The following CELF2 variants were observed in gnomAD, a reference collection of about 807,000 sequenced individuals.
CELF2 encodes the protein CUGBP Elav-like family member 2.
CELF2 carries 8 observed loss-of-function variants against 62.6 expected under a neutral mutation model. The observed-to-expected ratio is 0.13, with a 90% CI of 0.07 to 0.23. The LOEUF (loss-of-function observed/expected upper bound fraction) is 0.23, where lower values mean the gene tolerates loss of function less well. CELF2 is among the 10% of genes least tolerant of loss of function. The pLI is 1.00. For synonymous variants in CELF2, 258 were observed against 250.0 expected (o/e 1.03, Z -0.30); for missense variants, 333 against 671.0 (o/e 0.50, Z 5.56).
intron 1 of CELF2, among the ~76,000 whole-genome samples, chr10:11,080,771 G>T (rs1196668562): frequency 6.6e-6 from 1 of 152,230 alleles, no homozygotes; most frequent in African/African-American, 2.4e-5. Context: ...ATGCTGGACA[G>T]GCTTTGCTGA....
intron 1 of CELF2, among the ~76,000 whole-genome samples, chr10:10,812,420 A>C (rs1395555577): frequency 1.3e-5 from 2 of 152,212 alleles, no homozygotes; most frequent in Non-Finnish European, 2.9e-5. Flanking sequence ...GGGTGGGGAC[A>C]CAGCCAAACC....
intron 3 of CELF2, among the ~76,000 whole-genome samples, chr10:11,232,554 TG>T (rs2069162953): frequency 6.6e-6 from 1 of 152,196 alleles, no homozygotes; most frequent in South Asian, 2.1e-4. Context: ...GTAAAATCTA[TG>T]GCTCGGAAAG....
chr10:11,185,973 C>G (rs1274167055), intron 2 of CELF2, among the ~76,000 whole-genome samples: 1 of 152,158 alleles, frequency 6.6e-6, no homozygotes, highest in African/African-American at 2.4e-5. Context: ...TTCAAGTTAA[C>G]TATGTAAGAA....
chr10:10,687,808 C>T, the CELF2 span, among the ~76,000 whole-genome samples: 1 of 152,226 alleles, frequency 6.6e-6, no homozygotes, highest in Non-Finnish European at 1.5e-5. Flanking sequence ...CCAGTGTTTA[C>T]ACTCTCCTAC....
At position 10,997,693 on chromosome 10, in the gene CELF2, TA is replaced by T. The variant is rs2054106645; in HGVS notation, c.89+77697del. ...GAATAAATTCGGTCCCTTTTCCACA[TA>T]AATATTACATGCATCTTGCACAAGC... On this transcript the variant is annotated intron_variant, in intron 2 of 13. Coordinates refer to the CELF2 transcript ENST00000636488. This position sits in a 1 kb window ranked among gnomAD's most constrained non-coding sequence, Gnocchi z 5.3. Among the ~76,000 whole-genome samples the T allele has an allele frequency of 1.3e-5, 2 of 152,326 alleles. No individual in the cohort carries two copies. The highest frequency in any genetic ancestry group is 4.8e-5 in the African/African-American group (2 of 41,568).
intron 1 of CELF2, among the ~76,000 whole-genome samples, chr10:10,837,751 C>T (rs765197033): frequency 6.6e-6 from 1 of 152,260 alleles, no homozygotes; most frequent in Non-Finnish European, 1.5e-5. Flanking sequence ...ATGCCATCCC[C>T]AGGAAAAGTG....
At chr10:10,749,468 T>A in the CELF2 span, among the ~76,000 whole-genome samples, 1 of 152,202 alleles carries the variant, frequency 6.6e-6, no homozygotes, top group Non-Finnish European at 1.5e-5. Context: ...CAATGTCTAC[T>A]AAGCATCAAT....
Position 11,117,827 on chromosome 10 carries a change from T to C in CELF2, c.75-47659T>C, listed in dbSNP as rs757459583. ...ATCTGAGCTTCTGGTTCTGATCTTG[T>C]AAAAGCTAACTCATGCATGCACAAC... On this transcript the variant is annotated intron_variant, in intron 1 of 12. Transcript: ENST00000633077. This position sits in a 1 kb window ranked among gnomAD's most constrained non-coding sequence, Gnocchi z 4.1. Among the ~76,000 whole-genome samples the C allele has an allele frequency of 6.6e-5, 10 of 152,298 alleles. No homozygotes were observed. The highest frequency in any genetic ancestry group is 1.3e-4 in the Non-Finnish European group (9 of 68,020).
Position 11,260,185 on chromosome 10 carries a change from G to T in CELF2, c.538+2313G>T, listed in dbSNP as rs1477880724. ...TAACTATATCTGCCCTGCTTCTCTT[G>T]CAGGGAGTCATTCACGGCTGGTGTG... On this transcript the variant is annotated intron_variant, in intron 5 of 12. Coordinates refer to ENST00000633077, the MANE Select transcript of CELF2 (RefSeq NM_001326342.2). The surrounding 1 kb of genome is among the most constrained non-coding windows in gnomAD (Gnocchi z 4.2). Among the ~76,000 whole-genome samples the T allele has an allele frequency of 6.6e-6, 1 of 152,188 alleles. No homozygotes were observed. Among genetic ancestry groups the T allele is most frequent in the African/African-American group, 2.4e-5 (1 of 41,442 alleles).
the CELF2 span, among the ~76,000 whole-genome samples, chr10:10,673,639 T>C: frequency 6.6e-6 from 1 of 152,316 alleles, no homozygotes; most frequent in South Asian, 2.1e-4. Context: ...TAATTGATTT[T>C]AGATCTTTCT....
chr10:10,595,492 C>G, the CELF2 span, among the ~76,000 whole-genome samples: 5 of 152,068 alleles, frequency 3.3e-5, no homozygotes, highest in African/African-American at 1.2e-4. Context: ...AAACAGTGGA[C>G]CAAATTGAAG....
intron 9 of CELF2, among the ~76,000 whole-genome samples, chr10:11,295,972 T>C (rs1285093793): frequency 1.3e-5 from 2 of 152,138 alleles, no homozygotes; most frequent in African/African-American, 4.8e-5. Flanking sequence ...GGCTGGAGTC[T>C]CTTAATAGTC....
At chr10:10,818,055 A>G (rs1344140961) in intron 1 of CELF2, among the ~76,000 whole-genome samples, 1 of 152,226 alleles carries the variant, frequency 6.6e-6, no homozygotes, top group African/African-American at 2.4e-5. Context: ...GTTGCCGCTA[A>G]TATCACTTGT....
chr10:11,066,048 G>C (rs768708422), intron 1 of CELF2, among the ~76,000 whole-genome samples: 12 of 152,126 alleles, frequency 7.9e-5, no homozygotes, highest in Non-Finnish European at 1.5e-4. Flanking sequence ...GGCCATTGTG[G>C]CTGCTGAGAG....
chr10:10,834,369 A>C (rs544215083), intron 1 of CELF2, among the ~76,000 whole-genome samples: 3 of 152,254 alleles, frequency 2.0e-5, no homozygotes, highest in South Asian at 2.1e-4. Flanking sequence ...TACCGGGCTT[A>C]ACACCTGGAT....
At chr10:11,138,147 C>G (rs1459900475) in intron 1 of CELF2, among the ~76,000 whole-genome samples, 2 of 152,062 alleles carry the variant, frequency 1.3e-5, no homozygotes, top group Non-Finnish European at 2.9e-5. Context: ...CAATGTGAAA[C>G]TATATGGAAA....
At chr10:10,914,132 A>T (rs1247529663) in intron 1 of CELF2, among the ~76,000 whole-genome samples, 35 of 12,846 alleles carry the variant, frequency 2.7e-3, no homozygotes, top group African/African-American at 7.3e-3. Flanking sequence ...ACCTTTTTTT[A>T]AAAAAAAAAA....
intron 1 of CELF2, among the ~76,000 whole-genome samples, chr10:11,069,031 C>G (rs562926713): frequency 3.9e-5 from 6 of 152,142 alleles, no homozygotes; most frequent in African/African-American, 1.2e-4. Context: ...CCATGCTTAT[C>G]AATTATTCCC....
At chr10:10,773,197 C>A in the CELF2 span, among the ~76,000 whole-genome samples, 21 of 152,220 alleles carry the variant, frequency 1.4e-4, no homozygotes, top group African/African-American at 4.8e-4. Flanking sequence ...AACCCCCCAC[C>A]TTTTATATTG....
Sources: gnomAD v4.1 joint callset for allele counts (sites outside exome capture counted in the v4.1 genomes callset) on GRCh38, gnomAD v4.1.1 for gene constraint, Gnocchi (gnomAD v3.1) non-coding constraint, MANE v1.5 for transcripts, NCBI Gene and HGNC (gene_info 2026-07-23, HGNC 2026-07-21) for gene names.